The following MECOM variants were observed in gnomAD, a reference collection of about 807,000 sequenced individuals.
MECOM encodes the protein histone-lysine N-methyltransferase MECOM.
A neutral mutation model predicts 116.3 loss-of-function variants in MECOM; 13 were observed. The observed-to-expected ratio is 0.11, with a 90% CI of 0.07 to 0.18. The LOEUF (loss-of-function observed/expected upper bound fraction) is 0.18. Ranked by LOEUF, MECOM falls within the 10% of genes least tolerant of loss-of-function variation. MECOM has a pLI of 1.00. For missense variants in MECOM, 1,299 were observed against 1,509.0 expected (o/e 0.86, Z 2.31); for synonymous variants, 528 against 535.2 (o/e 0.99, Z 0.19).
intron 1 of MECOM, among the ~76,000 whole-genome samples, chr3:169,485,739 G>A (rs1486830401): frequency 6.6e-6 from 1 of 150,550 alleles, no homozygotes; most frequent in Non-Finnish European, 1.5e-5. Context: ...AGGCAATTTG[G>A]CAACGAAATA....
chr3:169,358,445 T>A (rs1727651068), intron 2 of MECOM, among the ~76,000 whole-genome samples: 1 of 151,564 alleles, frequency 6.6e-6, no homozygotes, highest in Admixed American at 6.6e-5. Context: ...ATTTTTGTAA[T>A]CTACCTGTGA....
chr3:169,535,240 T>A (rs1759207812), intron 1 of MECOM, among the ~76,000 whole-genome samples: 1 of 152,220 alleles, frequency 6.6e-6, no homozygotes, highest in South Asian at 2.1e-4. Flanking sequence ...AAGATATATG[T>A]GAATATTCTA....
chr3:169,512,852 C>G (rs1756152337), intron 1 of MECOM, among the ~76,000 whole-genome samples: 1 of 151,984 alleles, frequency 6.6e-6, no homozygotes, highest in African/African-American at 2.4e-5. Flanking sequence ...CTTTCATCAC[C>G]AGGAGTCTGA....
intron 2 of MECOM, among the ~76,000 whole-genome samples, chr3:169,322,996 G>GTT (rs200740099): frequency 4.6e-5 from 2 of 43,722 alleles, no homozygotes; most frequent in Non-Finnish European, 7.1e-5. Flanking sequence ...CAAGACTCCG[G>GTT]TAAAAAAAAA....
intron 1 of MECOM, among the ~76,000 whole-genome samples, chr3:169,661,674 A>C (rs73882106): frequency 0.12 from 18,590 of 152,174 alleles, 1,451 homozygotes; most frequent in African/African-American, 0.23. Flanking sequence ...GCCGACTCCA[A>C]TGCCCGCGAA....
chr3:169,502,997 C>T (rs182491574), intron 1 of MECOM, among the ~76,000 whole-genome samples: 26 of 152,192 alleles, frequency 1.7e-4, no homozygotes, highest in Middle Eastern at 3.4e-3. Flanking sequence ...ATTGAGAACA[C>T]TAACAACAAT....
At chr3:169,244,892 G>A (rs1755386807) in intron 2 of MECOM, among the ~76,000 whole-genome samples, 1 of 152,144 alleles carries the variant, frequency 6.6e-6, no homozygotes, top group South Asian at 2.1e-4. Flanking sequence ...AACTATTTAA[G>A]GAGTTAGCAT....
chr3:169,487,792 G>T (rs558000675), intron 1 of MECOM, among the ~76,000 whole-genome samples: 42 of 150,172 alleles, frequency 2.8e-4, no homozygotes, highest in African/African-American at 1.0e-3. Flanking sequence ...GGGAGGGGGC[G>T]GGAGGGTCGG....
chr3:169,409,501 C>A (rs1737218854), intron 1 of MECOM, among the ~76,000 whole-genome samples: 1 of 151,082 alleles, frequency 6.6e-6, no homozygotes, highest in South Asian at 2.1e-4. Context: ...ACCTATCTAG[C>A]CCCAAACCAC....
At chr3:169,140,461 T>C (rs1737767415) in intron 3 of MECOM, among the ~76,000 whole-genome samples, 1 of 152,078 alleles carries the variant, frequency 6.6e-6, no homozygotes, top group South Asian at 2.1e-4. Context: ...CTGTAGTTAA[T>C]ACATTTTTTC....
chr3:169,522,188 A>G lies in MECOM; in HGVS notation c.38-140664T>C, dbSNP rs150249523. Among the ~76,000 whole-genome samples, 6 of 152,316 alleles carry G rather than the reference A, an allele frequency of 3.9e-5. No individual in the cohort carries two copies. The East Asian group carries it at 1.2e-3, about 29-fold the overall frequency. On this transcript the variant is annotated intron_variant, in intron 1 of 16. Transcript: ENST00000651503. ...GAAGCTACAATTACATCCTTACTCAATCATGTAGCTCATGTTCATGCTTCT... is the reference window on the plus strand; with the variant it reads ...GAAGCTACAATTACATCCTTACTCAGTCATGTAGCTCATGTTCATGCTTCT...
Position 169,176,156 on chromosome 3 carries a change from C to A in MECOM, c.376-32324G>T, listed in dbSNP as rs115906830. Among the ~76,000 whole-genome samples the A allele has an allele frequency of 4.7e-3, 696 of 148,170 alleles. 5 individuals carry two copies. The highest frequency in any genetic ancestry group is 0.016 in the African/African-American group (628 of 40,278). On this transcript the variant is annotated intron_variant, in intron 2 of 16. Transcript: ENST00000651503. ...ACACATACACACCAAAAAAAAAAAA[C>A]CCCTCATATGTTTTAAGAAAGTTTG...
chr3:169,541,708 AG>A, intron 1 of MECOM, among the ~76,000 whole-genome samples: 1 of 152,134 alleles, frequency 6.6e-6, no homozygotes, highest in East Asian at 1.9e-4. Context: ...TACCTCACTG[AG>A]CGAGGCCTTG....
chr3:169,277,745 C>T (rs1759786548), intron 2 of MECOM, among the ~76,000 whole-genome samples: 1 of 152,174 alleles, frequency 6.6e-6, no homozygotes, highest in Admixed American at 6.5e-5. Flanking sequence ...GTTCACTGTT[C>T]TCACAATGGC....
intron 2 of MECOM, among the ~76,000 whole-genome samples, chr3:169,257,206 G>A (rs558814246): frequency 6.6e-6 from 1 of 152,154 alleles, no homozygotes. Context: ...TTCAGCGGAG[G>A]CTACAAATAT....
chr3:169,439,712 A>G (rs979870072), intron 1 of MECOM, among the ~76,000 whole-genome samples: 3 of 152,188 alleles, frequency 2.0e-5, no homozygotes, highest in Non-Finnish European at 4.4e-5. Flanking sequence ...TGACATGCCA[A>G]TTCCAGTCTT....
intron 2 of MECOM, among the ~76,000 whole-genome samples, chr3:169,171,364 C>A (rs750600856): frequency 1.3e-5 from 2 of 152,134 alleles, no homozygotes; most frequent in Non-Finnish European, 2.9e-5. Flanking sequence ...TCTCTATTAA[C>A]CTTTATTCTT....
At chr3:169,651,679 G>A (rs146021775) in intron 1 of MECOM, among the ~76,000 whole-genome samples, 14 of 152,056 alleles carry the variant, frequency 9.2e-5, no homozygotes, top group East Asian at 3.9e-4. Context: ...AATATGGTGC[G>A]GTGTATACTG....
Position 169,483,200 on chromosome 3 carries a change from T to TA in MECOM, c.38-101677_38-101676insT, listed in dbSNP as rs1560335781. On this transcript the variant is annotated intron_variant, in intron 1 of 16. Transcript: ENST00000651503. ...AAAAACCATTGTTTTATTTTTATTTTTATTTTTTTTTTTTTTTTGCCCAGA... is the reference window on the plus strand; with the variant it reads ...AAAAACCATTGTTTTATTTTTATTTTATATTTTTTTTTTTTTTTTGCCCAGA... Among the ~76,000 whole-genome samples, 6 of 122,800 alleles carry TA rather than the reference T, an allele frequency of 4.9e-5. No homozygotes were observed. In the South Asian group the frequency reaches 1.5e-3, roughly 31 times the overall value. 80.6% of individuals were successfully genotyped at this position (122,800 alleles called of 152,430 possible).
Sources: allele counts gnomAD v4.1 joint callset (sites outside exome capture counted in the v4.1 genomes callset), GRCh38; gene constraint gnomAD v4.1.1; transcripts MANE v1.5; gene names NCBI Gene and HGNC (gene_info 2026-07-23, HGNC 2026-07-21).